The following AUTS2 variants were observed in gnomAD, a reference collection of about 807,000 sequenced individuals.
AUTS2 encodes the protein autism susceptibility gene 2 protein.
In AUTS2, 17 loss-of-function variants were observed where a neutral mutation model predicts 112.4. The observed-to-expected ratio is 0.15, with a 90% confidence interval of 0.10 to 0.23. The LOEUF (loss-of-function observed/expected upper bound fraction) is 0.23, where lower values mean the gene tolerates loss of function less well. Among genes scored for constraint, AUTS2 ranks in the 10% least tolerant of loss-of-function variants. The pLI, the probability that AUTS2 is intolerant of heterozygous loss-of-function variation, is 1.00. For missense variants in AUTS2, 1,510 were observed against 1,701.6 expected (o/e 0.89, Z 1.98); for synonymous variants, 751 against 702.7 (o/e 1.07, Z -1.09).
rs150359878 is a variant in AUTS2 at position 70,438,908 on chromosome 7, C to T, written c.690+3127C>T. On this transcript the variant is annotated intron_variant, in intron 5 of 18. Coordinates refer to ENST00000342771, the MANE Select transcript of AUTS2 (RefSeq NM_015570.4). ...ACTTGTCAGGGACCCACTGGGATTT[C>T]TCTCTGGAAGACCTGCCATTCTCTT... Among the ~76,000 whole-genome samples the T allele has an allele frequency of 3.0e-3, 459 of 152,358 alleles. 1 individual carries two copies. The highest frequency in any genetic ancestry group is 0.01 in the African/African-American group (432 of 41,588).
At chr7:70,426,673 A>T (rs956557068) in intron 4 of AUTS2, among the ~76,000 whole-genome samples, 6 of 152,182 alleles carry the variant, frequency 3.9e-5, no homozygotes, top group African/African-American at 1.4e-4. Context: ...CTTTTATCTT[A>T]AAGTAATGAG....
intron 2 of AUTS2, among the ~76,000 whole-genome samples, chr7:70,075,789 TC>T (rs1203818331): frequency 6.6e-6 from 1 of 152,238 alleles, no homozygotes; most frequent in African/African-American, 2.4e-5. Context: ...ATGAATGCTT[TC>T]TGAGAGTTTA....
At chr7:69,707,654 A>G (rs1437082678) in intron 1 of AUTS2, among the ~76,000 whole-genome samples, 2 of 152,240 alleles carry the variant, frequency 1.3e-5, no homozygotes, top group African/African-American at 4.8e-5. Context: ...TGCTAGGGAT[A>G]TATTTGTGAA....
intron 4 of AUTS2, among the ~76,000 whole-genome samples, chr7:70,245,144 G>GTGTATATATATATATATATATATATA (rs1233136341): frequency 9.2e-6 from 1 of 108,998 alleles, no homozygotes; most frequent in African/African-American, 4.2e-5. Flanking sequence ...GTGTGTGTGT[G>GTGTATATATATATATATATATATATA]TATATATATA....
intron 5 of AUTS2, among the ~76,000 whole-genome samples, chr7:70,443,428 A>G (rs1796198655): frequency 6.6e-6 from 1 of 152,202 alleles, no homozygotes; most frequent in Admixed American, 6.5e-5. Context: ...AACATTGACT[A>G]TCCAGATTTT....
At chr7:70,575,468 A>G (rs1802124108) in intron 5 of AUTS2, among the ~76,000 whole-genome samples, 1 of 152,064 alleles carries the variant, frequency 6.6e-6, no homozygotes, top group South Asian at 2.1e-4. Context: ...CTAACGAATG[A>G]TTCCACTTGT....
intron 5 of AUTS2, among the ~76,000 whole-genome samples, chr7:70,537,447 G>A (rs1000951151): frequency 6.6e-6 from 1 of 152,102 alleles, no homozygotes; most frequent in African/African-American, 2.4e-5. Context: ...GGGAGAAGAG[G>A]GCCTCCTTTC....
At chr7:70,281,521 A>G (rs756159083) in intron 4 of AUTS2, among the ~76,000 whole-genome samples, 3 of 152,248 alleles carry the variant, frequency 2.0e-5, no homozygotes, top group Non-Finnish European at 4.4e-5. Flanking sequence ...GAGCATAGAA[A>G]AGACATTCAG....
At chr7:70,459,079 A>G (rs955545274) in intron 5 of AUTS2, among the ~76,000 whole-genome samples, 3 of 152,212 alleles carry the variant, frequency 2.0e-5, no homozygotes, top group Non-Finnish European at 2.9e-5. Flanking sequence ...AGAGAGAACT[A>G]AGACTGAGTT....
chr7:69,600,512 G>T (rs897690193), intron 1 of AUTS2, among the ~76,000 whole-genome samples: 16 of 144,856 alleles, frequency 1.1e-4, no homozygotes, highest in Admixed American at 3.5e-4. Flanking sequence ...ATTTCTTTGC[G>T]CCTCCCCCCA....
At chr7:70,341,407 G>A (rs1791258300) in intron 4 of AUTS2, among the ~76,000 whole-genome samples, 1 of 152,234 alleles carries the variant, frequency 6.6e-6, no homozygotes, top group Non-Finnish European at 1.5e-5. Context: ...CTGAAACTGT[G>A]AAAAATCATG....
intron 1 of AUTS2, among the ~76,000 whole-genome samples, chr7:69,629,380 C>CT (rs1794118639): frequency 6.6e-6 from 1 of 152,160 alleles, no homozygotes; most frequent in African/African-American, 2.4e-5. Flanking sequence ...CCTGACAGAC[C>CT]TTGCTAGCTC....
intron 4 of AUTS2, among the ~76,000 whole-genome samples, chr7:70,391,797 T>C (rs1793874581): frequency 6.6e-6 from 1 of 152,218 alleles, no homozygotes; most frequent in African/African-American, 2.4e-5. Flanking sequence ...CTCTCTGTTT[T>C]TTTCTGAGGG....
Position 70,457,514 on chromosome 7 carries a change from G to A in AUTS2, c.690+21733G>A, listed in dbSNP as rs78449308. On this transcript the variant is annotated intron_variant, in intron 5 of 18. Transcript: ENST00000342771. Reference sequence around the variant, plus strand: ...AAACCCAGTCACAAATCACACAGAAGCAGTGTTCATTTTTTCTGTCCACAA... The same window carrying A: ...AAACCCAGTCACAAATCACACAGAAACAGTGTTCATTTTTTCTGTCCACAA... Among the ~76,000 whole-genome samples the A allele has an allele frequency of 5.3e-3, 803 of 152,316 alleles. 2 individuals carry two copies. Among genetic ancestry groups the A allele is most frequent in the Non-Finnish European group, 8.7e-3 (595 of 68,034 alleles).
At chr7:70,459,602 A>T (rs1219765311) in intron 5 of AUTS2, among the ~76,000 whole-genome samples, 3 of 152,230 alleles carry the variant, frequency 2.0e-5, no homozygotes, top group African/African-American at 4.8e-5. Context: ...ACCATCTCAG[A>T]GTGTAACCTA....
At chr7:70,491,640 A>T (rs1368576097) in intron 5 of AUTS2, among the ~76,000 whole-genome samples, 1 of 147,650 alleles carries the variant, frequency 6.8e-6, no homozygotes, top group Admixed American at 6.8e-5. Context: ...TTTGAGACAG[A>T]GTCTCACTCT....
chr7:70,609,958 T>TG (rs768366511), intron 5 of AUTS2, among the ~76,000 whole-genome samples: 6,574 of 67,942 alleles, frequency 0.097, 167 homozygotes, highest in Non-Finnish European at 0.11. Context: ...AAGTTCTGTT[T>TG]TTTGTTGTTG....
At chr7:70,592,250 T>G (rs1802983659) in intron 5 of AUTS2, among the ~76,000 whole-genome samples, 1 of 152,236 alleles carries the variant, frequency 6.6e-6, no homozygotes. Flanking sequence ...AATACAGTGT[T>G]AAGTTCAGGG....
chr7:69,828,377 G>A (rs1791348799), intron 1 of AUTS2, among the ~76,000 whole-genome samples: 1 of 152,136 alleles, frequency 6.6e-6, no homozygotes, highest in South Asian at 2.1e-4. Flanking sequence ...TGCCATCTTT[G>A]AACCGTGAGC....
Sources: gnomAD v4.1 joint callset for allele counts (sites outside exome capture counted in the v4.1 genomes callset) on GRCh38, gnomAD v4.1.1 for gene constraint, MANE v1.5 for transcripts, NCBI Gene and HGNC (gene_info 2026-07-23, HGNC 2026-07-21) for gene names.